CCDC192: variants seen among roughly 807,000 people sequenced by gnomAD.
The protein encoded by CCDC192 is coiled-coil domain-containing protein 192.
chr5:127,779,128 T>C (rs1756041395), intron 3 of CCDC192, among the ~76,000 whole-genome samples: 1 of 152,180 alleles, frequency 6.6e-6, no homozygotes. Context: ...TGCTTTAACC[T>C]TTATTATATC....
At chr5:127,741,788 G>C (rs902517399) in intron 2 of CCDC192, among the ~76,000 whole-genome samples, 1 of 152,016 alleles carries the variant, frequency 6.6e-6, no homozygotes, top group Non-Finnish European at 1.5e-5. Flanking sequence ...GTTTATACAA[G>C]GTCTCTAAGA....
chr5:127,748,776 T>G (rs1428328603), intron 2 of CCDC192, among the ~76,000 whole-genome samples: 4 of 145,944 alleles, frequency 2.7e-5, no homozygotes, highest in African/African-American at 1.0e-4. Context: ...TATCCTCTTT[T>G]ATTTCCTTGA....
At chr5:127,901,779 T>G (rs1360021991) in intron 6 of CCDC192, among the ~76,000 whole-genome samples, 1 of 152,248 alleles carries the variant, frequency 6.6e-6, no homozygotes, top group Non-Finnish European at 1.5e-5. Context: ...TATAGGCTGC[T>G]GCTAGTATTA....
Position 127,703,391 on chromosome 5 carries a change from G to GATGCCTGTTGACGTCTGTCCC in CCDC192, c.-53_-33dup, listed in dbSNP as rs1286279498. ...CAGGGATTCTAAAACTCTAAAGAAT[G>GATGCCTGTTGACGTCTGTCCC]ATGCCTGTTGACGTCTGTCCCAGGG... On this transcript the variant is annotated 5_prime_UTR_variant, in exon 1 of 7. The change creates a new upstream start codon in the 5' untranslated region. Coordinates refer to ENST00000514853, the MANE Select transcript of CCDC192 (RefSeq NM_001317938.2). The GATGCCTGTTGACGTCTGTCCC allele has an allele frequency of 2.5e-6, 1 of 398,958 alleles. No homozygotes were observed. The highest frequency in any genetic ancestry group is 2.1e-5 in the African/African-American group (1 of 48,760). The allele number at this position is 398,958 out of a possible 1,614,324, so 24.7% of individuals were successfully genotyped here.
intron 5 of CCDC192, among the ~76,000 whole-genome samples, chr5:127,809,251 A>C (rs1344177307): frequency 2.6e-5 from 4 of 152,174 alleles, no homozygotes; most frequent in Admixed American, 6.6e-5. Flanking sequence ...GTATTTTTAA[A>C]AAGCACTTAA....
Position 127,935,084 on chromosome 5 carries a change from G to A in CCDC192, c.536-6098G>A, listed in dbSNP as rs567852511. Among the ~76,000 whole-genome samples the A allele has an allele frequency of 8.3e-4, 126 of 152,242 alleles. 2 individuals are homozygous for A. In the South Asian group the frequency reaches 0.024, roughly 29 times the overall value. On this transcript the variant is annotated intron_variant, in intron 6 of 6. Coordinates refer to ENST00000514853, the MANE Select transcript of CCDC192 (RefSeq NM_001317938.2). ...TTAGTCATTAGCTTGAAAGGCAGAG[G>A]GAAAAGTAAACCTTCATGAGTGAGT...
At chr5:127,730,045 GA>G (rs1752553327) in intron 2 of CCDC192, among the ~76,000 whole-genome samples, 1 of 151,848 alleles carries the variant, frequency 6.6e-6, no homozygotes, top group Non-Finnish European at 1.5e-5. Flanking sequence ...AGAAGATAGA[GA>G]CACAAAAAAC....
intron 6 of CCDC192, among the ~76,000 whole-genome samples, chr5:127,937,998 C>G (rs554267924): frequency 1.5e-3 from 227 of 152,108 alleles, no homozygotes; most frequent in Non-Finnish European, 2.6e-3. Context: ...CAATGCACCC[C>G]CCTCCACCCC....
intron 2 of CCDC192, among the ~76,000 whole-genome samples, chr5:127,732,422 G>A (rs902645559): frequency 2.6e-5 from 4 of 152,186 alleles, no homozygotes; most frequent in African/African-American, 9.7e-5. Context: ...AACCATTGTG[G>A]AAGACAGTGT....
chr5:127,815,271 C>T (rs1349700761), intron 5 of CCDC192, among the ~76,000 whole-genome samples: 2 of 152,124 alleles, frequency 1.3e-5, no homozygotes, highest in African/African-American at 2.4e-5. Flanking sequence ...TGTTGACTCC[C>T]GCATAGCAGA....
At chr5:127,850,616 G>A (rs1350212266) in intron 5 of CCDC192, among the ~76,000 whole-genome samples, 1 of 152,160 alleles carries the variant, frequency 6.6e-6, no homozygotes, top group Admixed American at 6.5e-5. Flanking sequence ...GAGAGTTTGA[G>A]ATGCACAGGA....
At chr5:127,924,390 A>C (rs1246714142) in intron 6 of CCDC192, among the ~76,000 whole-genome samples, 1 of 152,236 alleles carries the variant, frequency 6.6e-6, no homozygotes, top group Non-Finnish European at 1.5e-5. Context: ...CATCTTGGGA[A>C]GCAGCCAGAA....
intron 5 of CCDC192, among the ~76,000 whole-genome samples, chr5:127,834,327 A>C (rs928172784): frequency 1.3e-5 from 2 of 152,190 alleles, no homozygotes; most frequent in African/African-American, 4.8e-5. Context: ...CTTTTGTTAA[A>C]CTATACAAGC....
chr5:127,749,573 T>G (rs1298085973), intron 2 of CCDC192, among the ~76,000 whole-genome samples: 1 of 151,988 alleles, frequency 6.6e-6, no homozygotes, highest in Non-Finnish European at 1.5e-5. Context: ...TCTAAAATTC[T>G]CTTTTTTGGT....
intron 6 of CCDC192, among the ~76,000 whole-genome samples, chr5:127,884,926 A>G (rs1265639188): frequency 6.6e-6 from 1 of 152,020 alleles, no homozygotes; most frequent in Non-Finnish European, 1.5e-5. Context: ...ACAAAGGGCA[A>G]AAAGATCTAC....
intron 6 of CCDC192, among the ~76,000 whole-genome samples, chr5:127,889,867 C>A (rs1342884476): frequency 6.7e-6 from 1 of 148,378 alleles, no homozygotes; most frequent in Non-Finnish European, 1.5e-5. Context: ...TGCCACTGGT[C>A]AACAGTTTTA....
chr5:127,855,129 A>C (rs1436993032), intron 5 of CCDC192, among the ~76,000 whole-genome samples: 2 of 152,198 alleles, frequency 1.3e-5, no homozygotes. Flanking sequence ...TGTTTGCTGC[A>C]CTGATTGACT....
At chr5:127,754,426 G>T in intron 3 of CCDC192, 51 bp downstream of exon 3, 1 of 390,582 alleles carries the variant, frequency 2.6e-6, no homozygotes, top group South Asian at 1.3e-4. Flanking sequence ...TGTGCAGCAT[G>T]GCAAGTGTAA....
At chr5:127,720,008 C>G (rs1018848111) in intron 2 of CCDC192, among the ~76,000 whole-genome samples, 8 of 152,020 alleles carry the variant, frequency 5.3e-5, no homozygotes, top group African/African-American at 1.7e-4. Context: ...ACAACTCAGA[C>G]CATATCATTT....
Sources: allele counts gnomAD v4.1 joint callset (sites outside exome capture counted in the v4.1 genomes callset), GRCh38; gene constraint gnomAD v4.1.1; transcripts MANE v1.5; gene names NCBI Gene and HGNC (gene_info 2026-07-23, HGNC 2026-07-21).